NMT2: variants seen among roughly 807,000 people sequenced by gnomAD.
The protein encoded by NMT2 is glycylpeptide N-tetradecanoyltransferase 2.
A neutral mutation model predicts 65.4 loss-of-function variants in NMT2; 35 were observed. That is an observed-to-expected ratio of 0.54 (90% CI 0.41 to 0.71). The LOEUF is 0.71. NMT2 is among the 30% of genes least tolerant of loss of function. The probability of loss-of-function intolerance (pLI) is 0.00; values close to 1 mark genes in which losing one functional copy is unlikely to be tolerated. For missense variants in NMT2, 489 were observed against 611.3 expected, an observed-to-expected ratio of 0.80 and a Z score of 2.11; for synonymous variants, 226 against 231.8, an observed-to-expected ratio of 0.98 and a Z score of 0.23.
intron 1 of NMT2, among the ~76,000 whole-genome samples, chr10:15,153,395 T>A (rs1420568819): frequency 6.6e-6 from 1 of 152,226 alleles, no homozygotes; most frequent in Non-Finnish European, 1.5e-5. Flanking sequence ...GAGGCACACA[T>A]GTGCACATGC....
chr10:15,110,628 C>G (rs1282470813), intron 10 of NMT2, among the ~76,000 whole-genome samples: 1 of 134,586 alleles, frequency 7.4e-6, no homozygotes, highest in African/African-American at 3.6e-5. Flanking sequence ...AGAGTGAGCG[C>G]CTGTCTCAAA....
intron 10 of NMT2, among the ~76,000 whole-genome samples, chr10:15,110,635 C>G (rs1443678853): frequency 8.5e-6 from 1 of 117,024 alleles, no homozygotes; most frequent in Admixed American, 7.2e-5. Flanking sequence ...GCGCCTGTCT[C>G]AAAAAACAAA....
chr10:15,124,151 C>T (rs1846009545), intron 8 of NMT2, among the ~76,000 whole-genome samples: 1 of 152,296 alleles, frequency 6.6e-6, no homozygotes, highest in East Asian at 1.9e-4. Context: ...TTTTTATCAA[C>T]ATCAAATTAC....
chr10:15,115,964 T>C (rs1193848159), intron 9 of NMT2, among the ~76,000 whole-genome samples: 1 of 151,916 alleles, frequency 6.6e-6, no homozygotes, highest in East Asian at 1.9e-4. Context: ...GAAGGAGAAA[T>C]AGACAAATCC....
chr10:15,158,790 C>T (rs1013948345), intron 1 of NMT2, among the ~76,000 whole-genome samples: 26 of 152,192 alleles, frequency 1.7e-4, no homozygotes, highest in African/African-American at 6.0e-4. Flanking sequence ...CCACCAAGAT[C>T]AGGGTGCCAG....
Position 15,147,095 on chromosome 10 carries a change from C to CA in NMT2, c.111-5539dup, listed in dbSNP as rs34668178. On this transcript the variant is annotated intron_variant, in intron 1 of 11. Coordinates refer to ENST00000378165, the MANE Select transcript of NMT2 (RefSeq NM_004808.3). The stretch of plus-strand genomic sequence containing the variant: ...CAACAGCGAAAGATCCTCTCGCTCT[C>CA]AAAAAAAAAAAAAAAAAAAAAAAAA... Among the ~76,000 whole-genome samples the CA allele has an allele frequency of 3.8e-3, 167 of 44,510 alleles. 47 individuals are homozygous for CA. The highest frequency in any genetic ancestry group is 0.011 in the East Asian group (10 of 908). The allele number at this position is 44,510 out of a possible 152,430, so 29.2% of individuals were successfully genotyped here.
chr10:15,121,216 C>G (rs905576211), intron 8 of NMT2, among the ~76,000 whole-genome samples: 11 of 152,090 alleles, frequency 7.2e-5, no homozygotes, highest in African/African-American at 2.7e-4. Flanking sequence ...ATAAATATTG[C>G]TACTCTACTT....
At chr10:15,164,040 C>T (rs1373898543) in intron 1 of NMT2, among the ~76,000 whole-genome samples, 4 of 151,950 alleles carry the variant, frequency 2.6e-5, no homozygotes, top group South Asian at 2.1e-4. Context: ...ATTAGCCAGG[C>T]GTGGTGGCGG....
intron 1 of NMT2, among the ~76,000 whole-genome samples, chr10:15,151,386 T>C (rs878911733): frequency 6.6e-6 from 1 of 152,130 alleles, no homozygotes; most frequent in Non-Finnish European, 1.5e-5. Context: ...TATCAAACAA[T>C]TTTGGTGTCT....
chr10:15,158,953 G>A (rs958117795), intron 1 of NMT2, among the ~76,000 whole-genome samples: 7 of 152,294 alleles, frequency 4.6e-5, no homozygotes, highest in South Asian at 2.1e-4. Context: ...ACACCATCAC[G>A]TTGGGGATTT....
rs750903440 is a variant in NMT2 at position 15,132,943 on chromosome 10, C to T, written c.603-10G>A. 1.2e-5 allele frequency: 19 copies of T among 1,608,156 alleles called. 1 individual carries two copies. Among genetic ancestry groups the T allele is most frequent in the African/African-American group, 5.4e-5 (4 of 74,730 alleles). ...TGGTGGACGCAGAGCCCTGAGGTCA[C>T]GGTAGACAAGAAAACAGGCACCAGT... is the stretch of plus-strand genomic sequence containing the variant. On this transcript the variant is annotated splice_polypyrimidine_tract_variant and intron_variant, in intron 5 of 11. Transcript: ENST00000378165.
chr10:15,112,194 A>G lies in NMT2; in HGVS notation c.1338+602T>C, dbSNP rs1394703801. On this transcript the variant is annotated intron_variant, in intron 10 of 11. Transcript: ENST00000378165. Reference sequence around the variant, plus strand: ...GGGCTTTATATATATATATATATATATATATATATATATATATATATATTT... The same window carrying G: ...GGGCTTTATATATATATATATATATGTATATATATATATATATATATATTT... Among the ~76,000 whole-genome samples, 3 of 11,642 alleles carry G rather than the reference A, an allele frequency of 2.6e-4. No individual in the cohort carries two copies. The Admixed American group carries it at 3.5e-3, about 14-fold the overall frequency. The allele number at this position is 11,642 out of a possible 152,430, so 7.6% of individuals were successfully genotyped here. A position where few individuals can be genotyped will look rare whatever the true frequency, so the allele number is the denominator to read the frequency against.
intron 9 of NMT2, among the ~76,000 whole-genome samples, chr10:15,113,256 G>C (rs1372413856): frequency 6.6e-6 from 1 of 151,678 alleles, no homozygotes; most frequent in African/African-American, 2.4e-5. Context: ...GGATCATGAG[G>C]TCAGGAGTTC....
intron 1 of NMT2, among the ~76,000 whole-genome samples, chr10:15,160,636 T>C (rs1163538112): frequency 1.3e-5 from 2 of 151,882 alleles, no homozygotes; most frequent in Non-Finnish European, 2.9e-5. Context: ...TAGCTAGGCA[T>C]GGTAGTGTGC....
Position 15,107,324 on chromosome 10 carries a change from GC to G in NMT2, c.*1870del. Reference sequence around the variant, plus strand: ...TTAGCCCACAGGCCATAGTTTGGTGGCCCCTGCCTGGGATAAGATATGATTG... The same window carrying G: ...TTAGCCCACAGGCCATAGTTTGGTGGCCCTGCCTGGGATAAGATATGATTG... On this transcript the variant is annotated 3_prime_UTR_variant, in exon 12 of 12. Coordinates refer to ENST00000378165, the MANE Select transcript of NMT2 (RefSeq NM_004808.3). The G allele has an allele frequency of 1.0e-6, 1 of 984,056 alleles. No individual in the cohort carries two copies. Among genetic ancestry groups the G allele is most frequent in the Non-Finnish European group, 1.2e-6 (1 of 828,658 alleles). 61.0% of individuals were successfully genotyped at this position (984,056 alleles called of 1,614,324 possible).
intron 8 of NMT2, 123 bp downstream of exon 8, chr10:15,128,227 T>G (rs1313265739): frequency 1.0e-5 from 7 of 668,086 alleles, no homozygotes; most frequent in African/African-American, 1.8e-5. Flanking sequence ...TGAAATCTCT[T>G]TCGCTCCATA....
Position 15,106,776 on chromosome 10 carries a change from A to G in NMT2, c.*2419T>C. On this transcript the variant is annotated 3_prime_UTR_variant, in exon 12 of 12. Coordinates refer to ENST00000378165, the MANE Select transcript of NMT2 (RefSeq NM_004808.3). Reference sequence around the variant, plus strand: ...TCACAACAACTCAACTCAGCTTTGTAGTGTGAAGCAGCCATAGGCAATATG... The same window carrying G: ...TCACAACAACTCAACTCAGCTTTGTGGTGTGAAGCAGCCATAGGCAATATG... 7.4e-6 allele frequency: 3 copies of G among 407,764 alleles called. No homozygotes were observed. Among genetic ancestry groups the G allele is most frequent in the Non-Finnish European group, 9.9e-6 (3 of 301,984 alleles). 25.3% of individuals were successfully genotyped at this position (407,764 alleles called of 1,614,324 possible).
chr10:15,122,757 T>C (rs1845966306), intron 8 of NMT2, among the ~76,000 whole-genome samples: 1 of 152,184 alleles, frequency 6.6e-6, no homozygotes, highest in African/African-American at 2.4e-5. Context: ...CAAAGAGCTT[T>C]GCTTATGTGG....
At chr10:15,155,454 G>T (rs1288946309) in intron 1 of NMT2, 3 of 447,360 alleles carry the variant, frequency 6.7e-6, no homozygotes, top group African/African-American at 4.1e-5. Context: ...CTGCAGCCTT[G>T]AACTTCCGGG....
Sources: allele counts gnomAD v4.1 joint callset (sites outside exome capture counted in the v4.1 genomes callset), GRCh38; gene constraint gnomAD v4.1.1; transcripts MANE v1.5; gene names NCBI Gene and HGNC (gene_info 2026-07-23, HGNC 2026-07-21).